The following PRUNE2 variants were observed in gnomAD, a reference collection of about 807,000 sequenced individuals.
The protein encoded by PRUNE2 is prune homolog 2 with BCH domain.
Under a neutral mutation model 252.0 loss-of-function variants are expected in PRUNE2, and 164 were observed. That is an observed-to-expected ratio of 0.65 (90% CI 0.57 to 0.74). PRUNE2 has a LOEUF of 0.74. Ranked by LOEUF, PRUNE2 falls within the 30% of genes least tolerant of loss-of-function variation. The pLI, the probability that PRUNE2 is intolerant of heterozygous loss-of-function variation, is 0.00. For missense variants in PRUNE2, 3,495 were observed against 3,711.0 expected (o/e 0.94, Z 1.51); for synonymous variants, 1,292 against 1,350.2 (o/e 0.96, Z 0.94).
chr9:76,747,135 T>C (rs926921066), intron 6 of PRUNE2, among the ~76,000 whole-genome samples: 7 of 152,118 alleles, frequency 4.6e-5, no homozygotes, highest in African/African-American at 1.7e-4. Context: ...CTTGTGCAAC[T>C]CCCAGCTGGT....
At chr9:76,620,179 GC>G (rs1831579306) in intron 17 of PRUNE2, among the ~76,000 whole-genome samples, 1 of 141,482 alleles carries the variant, frequency 7.1e-6, no homozygotes, top group African/African-American at 2.7e-5. Context: ...TTGCTCTGTC[GC>G]CCAGGCTGAA....
chr9:76,761,279 T>G (rs1453986325), intron 6 of PRUNE2, among the ~76,000 whole-genome samples: 1 of 151,396 alleles, frequency 6.6e-6, no homozygotes, highest in African/African-American at 2.4e-5. Flanking sequence ...CTGCCCCATC[T>G]TTTTTTTTCT....
At chr9:76,716,030 G>A (rs10869800) in intron 6 of PRUNE2, among the ~76,000 whole-genome samples, 27,064 of 151,756 alleles carry the variant, frequency 0.18, 2,924 homozygotes, top group East Asian at 0.49. Context: ...ACCCTTGAAA[G>A]AAGACACACA....
chr9:76,846,175 C>T (rs2059661138), intron 4 of PRUNE2, among the ~76,000 whole-genome samples: 1 of 152,148 alleles, frequency 6.6e-6, no homozygotes, highest in Admixed American at 6.6e-5. Context: ...GCATTCTCGT[C>T]CCTATCATGC....
chr9:76,624,581 A>G, intron 16 of PRUNE2, 91 bp from the exon 17 acceptor site: 2 of 875,184 alleles, frequency 2.3e-6, no homozygotes, highest in Non-Finnish European at 3.2e-6. Flanking sequence ...GGGCCAAATG[A>G]AAGTGGTGCA....
In PRUNE2 at chr9:76,709,417, T is replaced by G; in HGVS notation, c.2857A>C (p.Asn953His). The change falls in exon 8 of 19, where the codon AAC (asparagine) becomes CAC (histidine). Residue 953 changes from asparagine to histidine, a missense_variant. Transcript: ENST00000376718. ...SYKCSDYSAS[N>H]LGEDSVPSPL... The stretch of plus-strand genomic sequence containing the variant: ...GAAGGCACCGAATCTTCTCCTAGGT[T>G]GGATGCACTGTAATCAGAACATTTG... 6.2e-7 allele frequency: 1 copy of G among 1,614,010 alleles called. No individual in the cohort carries two copies.
intron 1 of PRUNE2, among the ~76,000 whole-genome samples, chr9:76,880,447 A>T (rs940694134): frequency 7.2e-5 from 11 of 152,170 alleles, no homozygotes; most frequent in Admixed American, 5.2e-4. Context: ...TGCTGGGTAG[A>T]CGTCTGCACA....
At chr9:76,768,278 C>T (rs903167509) in intron 6 of PRUNE2, among the ~76,000 whole-genome samples, 22 of 152,108 alleles carry the variant, frequency 1.4e-4, no homozygotes, top group Admixed American at 6.6e-4. Context: ...CTGCAACCTC[C>T]GCCTCCTGGG....
At chr9:76,837,441 A>AAATAATATAAT (rs1554798660) in intron 4 of PRUNE2, among the ~76,000 whole-genome samples, 3 of 134,826 alleles carry the variant, frequency 2.2e-5, no homozygotes, top group Non-Finnish European at 4.7e-5. Flanking sequence ...ACTCTGTCTC[A>AAATAATATAAT]AATAATAATA....
intron 6 of PRUNE2, chr9:76,785,301 T>C (rs2054863222): frequency 6.6e-6 from 1 of 152,212 alleles, no homozygotes; most frequent in African/African-American, 2.4e-5. Context: ...ACATATGAGA[T>C]TCATCATCAC....
intron 1 of PRUNE2, among the ~76,000 whole-genome samples, chr9:76,857,499 G>C (rs1424124444): frequency 6.6e-6 from 1 of 152,278 alleles, no homozygotes; most frequent in East Asian, 1.9e-4. Flanking sequence ...AGCCCTGAAA[G>C]AGATAGGCTT....
At chr9:76,782,893 A>G (rs2054572346) in intron 6 of PRUNE2, 1 of 152,210 alleles carries the variant, frequency 6.6e-6, no homozygotes, top group South Asian at 2.1e-4. Flanking sequence ...CTTTAACCAT[A>G]TACCTGCTAT....
chr9:76,766,162 G>A (rs1248785121), intron 6 of PRUNE2, among the ~76,000 whole-genome samples: 3 of 144,484 alleles, frequency 2.1e-5, no homozygotes, highest in Non-Finnish European at 4.5e-5. Flanking sequence ...TAGCCTGGGT[G>A]ACAGAGCAAG....
At chr9:76,903,633 G>C (rs1359832248) in intron 1 of PRUNE2, among the ~76,000 whole-genome samples, 1 of 152,044 alleles carries the variant, frequency 6.6e-6, no homozygotes, top group Non-Finnish European at 1.5e-5. Context: ...TGTTGCCCAG[G>C]CTGGAGTGCA....
chr9:76,867,770 A>T (rs1197064013), intron 1 of PRUNE2, among the ~76,000 whole-genome samples: 2 of 152,032 alleles, frequency 1.3e-5, no homozygotes, highest in Non-Finnish European at 2.9e-5. Context: ...ACAGGGTTTC[A>T]CCATGTTGGT....
At chr9:76,761,522 C>G (rs559490763) in intron 6 of PRUNE2, among the ~76,000 whole-genome samples, 2 of 152,062 alleles carry the variant, frequency 1.3e-5, no homozygotes, top group South Asian at 4.1e-4. Flanking sequence ...CTTTTGTAGA[C>G]CTGAACTGGA....
intron 6 of PRUNE2, among the ~76,000 whole-genome samples, chr9:76,810,546 G>A (rs1030338472): frequency 1.3e-5 from 2 of 152,086 alleles, no homozygotes; most frequent in African/African-American, 2.4e-5. Flanking sequence ...ACCACTAGGC[G>A]ACACCACTGA....
intron 4 of PRUNE2, 139 bp from the exon 5 acceptor site, chr9:76,826,871 A>C: frequency 1.6e-6 from 1 of 628,924 alleles, no homozygotes; most frequent in South Asian, 2.5e-5. Context: ...TCCACACGTA[A>C]CATTCAAGAG....
intron 12 of PRUNE2, among the ~76,000 whole-genome samples, chr9:76,640,776 G>A (rs1262890487): frequency 6.6e-6 from 1 of 152,164 alleles, no homozygotes; most frequent in Non-Finnish European, 1.5e-5. Context: ...GCACAGATAA[G>A]CAATTCATCC....
Sources: gnomAD v4.1 joint callset for allele counts (sites outside exome capture counted in the v4.1 genomes callset) on GRCh38, gnomAD v4.1.1 for gene constraint, MANE v1.5 for transcripts, NCBI Gene and HGNC (gene_info 2026-07-23, HGNC 2026-07-21) for gene names.